The following FMN1 variants were observed in gnomAD, a reference collection of about 807,000 sequenced individuals.
The protein encoded by FMN1 is formin 1.
Under a neutral mutation model 132.4 loss-of-function variants are expected in FMN1, and 110 were observed. The observed-to-expected ratio is 0.83, with a 90% CI of 0.71 to 0.97. FMN1 has a LOEUF of 0.97. Among genes scored for constraint, FMN1 ranks in the 50% least tolerant of loss-of-function variants. FMN1 has a pLI of 0.00. For synonymous variants in FMN1, 722 were observed against 651.7 expected, an observed-to-expected ratio of 1.11 and a Z score of -1.64; for missense variants, 1,792 against 1,705.3, an observed-to-expected ratio of 1.05 and a Z score of -0.90.
chr15:33,104,905 A>T (rs28708877), intron 4 of FMN1, among the ~76,000 whole-genome samples: 1 of 152,170 alleles, frequency 6.6e-6, no homozygotes, highest in Non-Finnish European at 1.5e-5. Context: ...ATCCAAAGAA[A>T]GAGCAAAAAG....
intron 7 of FMN1, among the ~76,000 whole-genome samples, chr15:32,977,623 C>T (rs1223345472): frequency 6.6e-6 from 1 of 152,106 alleles, no homozygotes; most frequent in Non-Finnish European, 1.5e-5. Flanking sequence ...TTAAGATTTC[C>T]TGTAGTTCTA....
At chr15:32,924,108 G>A (rs1159285270) in intron 10 of FMN1, among the ~76,000 whole-genome samples, 1 of 151,986 alleles carries the variant, frequency 6.6e-6, no homozygotes, top group Non-Finnish European at 1.5e-5. Flanking sequence ...TTCTTCTGAT[G>A]TGAATTTTTC....
At chr15:33,116,051 A>G (rs1258715915) in intron 4 of FMN1, among the ~76,000 whole-genome samples, 1 of 152,178 alleles carries the variant, frequency 6.6e-6, no homozygotes, top group South Asian at 2.1e-4. Flanking sequence ...TTAAAGGTAT[A>G]TCCAGAAAGA....
chr15:33,057,630 A>G (rs886874336), intron 6 of FMN1, among the ~76,000 whole-genome samples: 1 of 152,190 alleles, frequency 6.6e-6, no homozygotes, highest in Non-Finnish European at 1.5e-5. Context: ...CCCCTGCAGT[A>G]AAAGTAATGT....
At chr15:33,057,230 C>T (rs961627962) in intron 6 of FMN1, among the ~76,000 whole-genome samples, 1 of 152,056 alleles carries the variant, frequency 6.6e-6, no homozygotes, top group Admixed American at 6.6e-5. Flanking sequence ...TAGTGGTTTT[C>T]TTTGACGGAA....
At chr15:32,859,329 G>A (rs2059211034) in intron 16 of FMN1, among the ~76,000 whole-genome samples, 1 of 152,136 alleles carries the variant, frequency 6.6e-6, no homozygotes. Flanking sequence ...GATTATTTAA[G>A]GCCTTTTCCA....
At chr15:32,781,099 A>C (rs1409781901) in intron 19 of FMN1, among the ~76,000 whole-genome samples, 1 of 152,190 alleles carries the variant, frequency 6.6e-6, no homozygotes, top group Non-Finnish European at 1.5e-5. Flanking sequence ...TATATGATGC[A>C]TGTTAATAGT....
intron 6 of FMN1, chr15:33,064,207 A>G (rs893149055): frequency 2.0e-5 from 3 of 152,244 alleles, no homozygotes; most frequent in African/African-American, 7.2e-5. Flanking sequence ...TACACCTAAT[A>G]AAAACAACAA....
At chr15:33,012,735 AG>A in intron 6 of FMN1, 1 of 749,386 alleles carries the variant, frequency 1.3e-6, no homozygotes, top group South Asian at 1.3e-5. Flanking sequence ...GTGGCCATGG[AG>A]GTGGTTTTGG....
chr15:32,830,380 T>C (rs1381016481), intron 17 of FMN1, among the ~76,000 whole-genome samples: 1 of 152,202 alleles, frequency 6.6e-6, no homozygotes, highest in South Asian at 2.1e-4. Flanking sequence ...CCAGATCACA[T>C]TTTTGGAGTT....
At chr15:33,105,468 G>C (rs1353710680) in intron 4 of FMN1, among the ~76,000 whole-genome samples, 1 of 152,074 alleles carries the variant, frequency 6.6e-6, no homozygotes, top group African/African-American at 2.4e-5. Flanking sequence ...GACTGTCAAT[G>C]GTTCAGACTT....
intron 17 of FMN1, among the ~76,000 whole-genome samples, chr15:32,834,984 T>C (rs2058589009): frequency 6.6e-6 from 1 of 152,236 alleles, no homozygotes. Context: ...CAGTTTGGCT[T>C]TGTGGCTTTG....
intron 5 of FMN1, among the ~76,000 whole-genome samples, chr15:33,076,732 T>C (rs2219159): frequency 6.6e-6 from 1 of 151,752 alleles, no homozygotes. Context: ...CATCTGATTC[T>C]AAATGTTTCT....
At chr15:32,993,548 G>C (rs1192992854) in intron 7 of FMN1, among the ~76,000 whole-genome samples, 1 of 151,574 alleles carries the variant, frequency 6.6e-6, no homozygotes. Context: ...AGTGTATCCA[G>C]TTAACAAGAG....
chr15:32,779,412 A>G, intron 19 of FMN1, among the ~76,000 whole-genome samples: 1 of 152,216 alleles, frequency 6.6e-6, no homozygotes, highest in East Asian at 1.9e-4. Context: ...ATTAGACAAT[A>G]TTAACTGTTT....
At chr15:33,128,271 A>G (rs1296275564) in intron 4 of FMN1, among the ~76,000 whole-genome samples, 2 of 152,176 alleles carry the variant, frequency 1.3e-5, no homozygotes, top group Non-Finnish European at 2.9e-5. Context: ...AATAATTAGA[A>G]GCGCAACAGT....
At chr15:32,819,069 T>C (rs892338402) in intron 17 of FMN1, among the ~76,000 whole-genome samples, 8 of 152,296 alleles carry the variant, frequency 5.3e-5, no homozygotes, top group African/African-American at 1.7e-4. Context: ...TTCAGGGAGA[T>C]TGGTTTCACA....
intron 7 of FMN1, among the ~76,000 whole-genome samples, chr15:32,998,880 T>C (rs1289946577): frequency 6.6e-6 from 1 of 152,174 alleles, no homozygotes; most frequent in East Asian, 1.9e-4. Context: ...TATATCTGAA[T>C]TGTCTGAAGG....
intron 4 of FMN1, among the ~76,000 whole-genome samples, chr15:33,090,731 C>A (rs1315199343): frequency 6.6e-6 from 1 of 152,098 alleles, no homozygotes; most frequent in Non-Finnish European, 1.5e-5. Context: ...TTAGAGTGAC[C>A]CACTTCTAGT....
Sources: gnomAD v4.1 joint callset for allele counts (sites outside exome capture counted in the v4.1 genomes callset) on GRCh38, gnomAD v4.1.1 for gene constraint, MANE v1.5 for transcripts, NCBI Gene and HGNC (gene_info 2026-07-23, HGNC 2026-07-21) for gene names.